Variants in PLCB4 observed in about 807,000 individuals in gnomAD.
PLCB4 encodes the protein phospholipase C beta 4.
Under a neutral mutation model 178.8 loss-of-function variants are expected in PLCB4, and 77 were observed. The observed-to-expected ratio is 0.43, with a 90% CI of 0.36 to 0.52. PLCB4 has a LOEUF of 0.52. Among genes scored for constraint, PLCB4 ranks in the 20% least tolerant of loss-of-function variants. The pLI, the probability that PLCB4 is intolerant of heterozygous loss-of-function variation, is 0.00. For missense variants in PLCB4, 1,024 were observed against 1,453.4 expected (o/e 0.70, Z 4.80); for synonymous variants, 496 against 490.8 (o/e 1.01, Z -0.14).
At chr20:9,323,745 C>G (rs1029153527) in intron 4 of PLCB4, among the ~76,000 whole-genome samples, 21 of 152,250 alleles carry the variant, frequency 1.4e-4, no homozygotes, top group African/African-American at 4.8e-4. Flanking sequence ...TCAGCACCCT[C>G]AAAATGTCCC....
chr20:9,153,140 G>A (rs2054199281), intron 2 of PLCB4, among the ~76,000 whole-genome samples: 1 of 152,176 alleles, frequency 6.6e-6, no homozygotes, highest in African/African-American at 2.4e-5. Flanking sequence ...ATAGGCAGAA[G>A]TGACTTGCCT....
chr20:9,145,942 T>G (rs2092590738), intron 2 of PLCB4, among the ~76,000 whole-genome samples: 1 of 152,098 alleles, frequency 6.6e-6, no homozygotes, highest in Non-Finnish European at 1.5e-5. Flanking sequence ...ACTGCATGTT[T>G]GGGCTAGAGT....
At chr20:9,296,775 G>A (rs1036236496) in intron 3 of PLCB4, among the ~76,000 whole-genome samples, 3 of 151,806 alleles carry the variant, frequency 2.0e-5, no homozygotes, top group African/African-American at 4.8e-5. Context: ...ACCAAACACC[G>A]CATGTTCTCA....
In PLCB4 at chr20:9,459,825, G is replaced by T. The variant is rs370078914; in HGVS notation, c.3248+15G>T. 3.8e-6 allele frequency: 6 copies of T among 1,568,754 alleles called. No individual in the cohort carries two copies. The highest frequency in any genetic ancestry group is 2.7e-5 in the African/African-American group (2 of 74,096). On this transcript the variant is annotated intron_variant, in intron 35 of 39. Transcript: ENST00000378473. ...TCCCATGACAGGTGGGGGAATTGCC[G>T]TCTCCAGAGTAAACATCTAATATTT... is the stretch of plus-strand genomic sequence containing the variant.
intron 2 of PLCB4, among the ~76,000 whole-genome samples, chr20:9,118,985 G>A (rs1163647567): frequency 6.6e-6 from 1 of 152,152 alleles, no homozygotes; most frequent in Non-Finnish European, 1.5e-5. Context: ...AGTCTGGTGA[G>A]TTGATAAGAA....
At chr20:9,192,451 G>T (rs1601036103) in intron 2 of PLCB4, among the ~76,000 whole-genome samples, 1 of 151,840 alleles carries the variant, frequency 6.6e-6, no homozygotes, top group South Asian at 2.1e-4. Flanking sequence ...ATTGCACAGG[G>T]TTCTAGACTC....
intron 33 of PLCB4, among the ~76,000 whole-genome samples, chr20:9,456,781 C>T (rs1423586302): frequency 6.6e-6 from 1 of 152,222 alleles, no homozygotes; most frequent in Non-Finnish European, 1.5e-5. Context: ...AGCATTCTGA[C>T]TTGAGCTATA....
At chr20:9,310,397 A>C (rs2094817311) in intron 4 of PLCB4, among the ~76,000 whole-genome samples, 1 of 152,142 alleles carries the variant, frequency 6.6e-6, no homozygotes, top group Non-Finnish European at 1.5e-5. Context: ...GTAAACATAA[A>C]ATTGTATTCC....
In PLCB4 at chr20:9,388,214, GACA is replaced by G. The variant is rs377279107; in HGVS notation, c.1158+663_1158+665del. ...GATTACACTGTTGCATTCTAGCCTGGACAACAAGAGTGAAACTCCATCTCAATA... is the reference window on the plus strand; with the variant it reads ...GATTACACTGTTGCATTCTAGCCTGGACAAGAGTGAAACTCCATCTCAATA... On this transcript the variant is annotated intron_variant, in intron 15 of 39. Transcript: ENST00000378473. Among the ~76,000 whole-genome samples the G allele has an allele frequency of 6.6e-5, 10 of 152,304 alleles. No homozygotes were observed. The East Asian group carries it at 1.2e-3, about 18-fold the overall frequency.
At chr20:9,108,777 CT>C (rs1260939372) in intron 2 of PLCB4, among the ~76,000 whole-genome samples, 10 of 151,588 alleles carry the variant, frequency 6.6e-5, no homozygotes, top group Non-Finnish European at 1.2e-4. Flanking sequence ...TAAATATAAG[CT>C]GGTTGATCCA....
At chr20:9,426,218 T>C (rs1207416122) in intron 28 of PLCB4, among the ~76,000 whole-genome samples, 1 of 152,190 alleles carries the variant, frequency 6.6e-6, no homozygotes, top group Non-Finnish European at 1.5e-5. Context: ...CATTACTTTT[T>C]TCCACAAATA....
intron 20 of PLCB4, among the ~76,000 whole-genome samples, chr20:9,402,062 C>T (rs927686008): frequency 1.3e-5 from 2 of 152,122 alleles, no homozygotes; most frequent in African/African-American, 2.4e-5. Context: ...ATATACTTAC[C>T]TTTTGTCAGG....
chr20:9,257,381 A>G (rs2094247367), intron 3 of PLCB4, among the ~76,000 whole-genome samples: 1 of 152,226 alleles, frequency 6.6e-6, no homozygotes, highest in Non-Finnish European at 1.5e-5. Flanking sequence ...ATTTTCTTCA[A>G]CTAATTATAA....
intron 2 of PLCB4, among the ~76,000 whole-genome samples, chr20:9,142,074 G>A (rs1426265607): frequency 6.6e-6 from 1 of 152,068 alleles, no homozygotes; most frequent in African/African-American, 2.4e-5. Context: ...AGCAGAGGAA[G>A]TCATATCATA....
chr20:9,112,698 T>C (rs934127222), intron 2 of PLCB4, among the ~76,000 whole-genome samples: 3 of 152,170 alleles, frequency 2.0e-5, no homozygotes, highest in Non-Finnish European at 4.4e-5. Context: ...GCCTGGAGCA[T>C]ATTCATAGAC....
intron 7 of PLCB4, among the ~76,000 whole-genome samples, chr20:9,359,646 T>A (rs574776522): frequency 3.2e-4 from 48 of 152,296 alleles, no homozygotes; most frequent in African/African-American, 1.1e-3. Flanking sequence ...AAGTGCCCCG[T>A]GTGGCAGAAG....
intron 6 of PLCB4, 141 bp from the exon 7 acceptor site, chr20:9,338,753 T>A: frequency 1.6e-6 from 1 of 627,898 alleles, no homozygotes; most frequent in Non-Finnish European, 2.7e-6. Context: ...AAATTTCACC[T>A]CTACAGGTTT....
At position 9,380,888 on chromosome 20, in the gene PLCB4, C is replaced by T. The variant is rs190332413; in HGVS notation, c.853+726C>T. On this transcript the variant is annotated intron_variant, in intron 13 of 39. Transcript: ENST00000378473. Reference sequence around the variant, plus strand: ...ATGAAAGTTCAAGTTCCATAGGTCCCGTATGTCCGTGAATCTCAAGGTCTC... The same window carrying T: ...ATGAAAGTTCAAGTTCCATAGGTCCTGTATGTCCGTGAATCTCAAGGTCTC... Among the ~76,000 whole-genome samples the T allele has an allele frequency of 9.0e-4, 137 of 152,182 alleles. 1 individual carries two copies. Among genetic ancestry groups the T allele is most frequent in the African/African-American group, 2.8e-3 (116 of 41,524 alleles).
chr20:9,454,197 G>A (rs73897442), intron 33 of PLCB4, among the ~76,000 whole-genome samples: 2,959 of 152,300 alleles, frequency 0.019, 94 homozygotes, highest in African/African-American at 0.066. Context: ...TTTGTGGCAA[G>A]CACACCATGG....
Sources: gnomAD v4.1 joint callset for allele counts (sites outside exome capture counted in the v4.1 genomes callset) on GRCh38, gnomAD v4.1.1 for gene constraint, MANE v1.5 for transcripts, NCBI Gene and HGNC (gene_info 2026-07-23, HGNC 2026-07-21) for gene names.